Variants in CHRM3 observed in about 807,000 individuals in gnomAD.
CHRM3 encodes muscarinic acetylcholine receptor M3.
A neutral mutation model predicts 41.8 loss-of-function variants in CHRM3; 11 were observed. The observed-to-expected ratio is 0.26, with a 90% CI of 0.17 to 0.44. The LOEUF is 0.44. Among genes scored for constraint, CHRM3 ranks in the 20% least tolerant of loss-of-function variants. CHRM3 has a pLI of 1.00. For missense variants in CHRM3, 571 were observed against 745.4 expected (o/e 0.77, Z 2.72); for synonymous variants, 297 against 301.4 (o/e 0.99, Z 0.15).
intron 5 of CHRM3, among the ~76,000 whole-genome samples, chr1:239,762,554 T>C (rs981461706): frequency 4.6e-5 from 7 of 152,222 alleles, no homozygotes; most frequent in African/African-American, 1.7e-4. Flanking sequence ...GTGTTTAACA[T>C]TGCAGATAAA....
At position 239,488,738 on chromosome 1, in the gene CHRM3, A is replaced by T. The variant is rs910350671; in HGVS notation, c.-520-3971A>T. 1.3e-4 allele frequency among the ~76,000 whole-genome samples: 19 copies of T among 149,340 alleles called. No individual in the cohort carries two copies. In the East Asian group the frequency reaches 3.3e-3, roughly 26 times the overall value. On this transcript the variant is annotated intron_variant, in intron 1 of 6. Transcript: ENST00000676153. The stretch of plus-strand genomic sequence containing the variant: ...TCAAAAAAAAAAAAAAAAAAAAAAA[A>T]AAAAAAAAAAAAAGGGAATTAGATG...
intron 3 of CHRM3, among the ~76,000 whole-genome samples, chr1:239,550,561 C>A (rs1659718104): frequency 6.6e-6 from 1 of 152,068 alleles, no homozygotes; most frequent in South Asian, 2.1e-4. Flanking sequence ...TATGAAATGT[C>A]TTTCAATATG....
In CHRM3 at chr1:239,555,523, C is replaced by T. The variant is rs141891931; in HGVS notation, c.-313+9774C>T. ...CAGGAATGGGGCAGAAGCAGCTTTC[C>T]ATAAGGCACGCCAGCAGTGTGCTGT... On this transcript the variant is annotated intron_variant, in intron 3 of 6. Transcript: ENST00000676153. 2.6e-5 allele frequency among the ~76,000 whole-genome samples: 4 copies of T among 152,274 alleles called. No individual in the cohort carries two copies. The East Asian group carries it at 7.7e-4, about 29-fold the overall frequency.
At chr1:239,876,756 G>A (rs111689770) in intron 6 of CHRM3, among the ~76,000 whole-genome samples, 22 of 152,100 alleles carry the variant, frequency 1.4e-4, no homozygotes, top group African/African-American at 2.9e-4. Flanking sequence ...GAGGTTACTC[G>A]GCCTTTGGGG....
intron 3 of CHRM3, among the ~76,000 whole-genome samples, chr1:239,587,882 TG>T: frequency 6.6e-6 from 1 of 152,362 alleles, no homozygotes; most frequent in Admixed American, 6.5e-5. Flanking sequence ...TTAACCAATC[TG>T]GTTTTCTCAC....
intron 5 of CHRM3, among the ~76,000 whole-genome samples, chr1:239,810,003 G>C (rs1050332531): frequency 6.6e-6 from 1 of 152,194 alleles, no homozygotes; most frequent in South Asian, 2.1e-4. Flanking sequence ...ATCTTGAGAC[G>C]GGTAAGATTC....
intron 1 of CHRM3, among the ~76,000 whole-genome samples, chr1:239,433,332 C>T (rs1662975476): frequency 6.6e-6 from 1 of 152,204 alleles, no homozygotes; most frequent in African/African-American, 2.4e-5. Context: ...CCTAACTCCC[C>T]ATATTTTGCT....
intron 5 of CHRM3, among the ~76,000 whole-genome samples, chr1:239,695,013 T>A (rs1558461898): frequency 6.6e-6 from 1 of 152,162 alleles, no homozygotes; most frequent in Non-Finnish European, 1.5e-5. Context: ...CTTTTCTGTA[T>A]ACAATTTTAT....
rs56144752 is a variant in CHRM3 at position 239,665,164 on chromosome 1, G to GAAA, written c.-249-13005_-249-13003dup. Reference sequence around the variant, plus strand: ...CAACGTTAAAAGTTTGTTTTTCTCTGAAAAAAAAAAAAAAAAAAAGACTTT... The same window carrying GAAA: ...CAACGTTAAAAGTTTGTTTTTCTCTGAAAAAAAAAAAAAAAAAAAAAAGACTTT... On this transcript the variant is annotated intron_variant, in intron 4 of 6. Transcript: ENST00000676153. 2.1e-3 allele frequency among the ~76,000 whole-genome samples: 254 copies of GAAA among 119,470 alleles called. 1 individual carries two copies. The highest frequency in any genetic ancestry group is 7.5e-3 in the African/African-American group (246 of 32,880). The allele number at this position is 119,470 out of a possible 152,430, so 78.4% of individuals were successfully genotyped here.
intron 3 of CHRM3, among the ~76,000 whole-genome samples, chr1:239,588,211 G>A (rs1366259060): frequency 6.6e-6 from 1 of 152,208 alleles, no homozygotes; most frequent in Non-Finnish European, 1.5e-5. Flanking sequence ...CCAGTGAGTA[G>A]ACGAGTCTAG....
intron 4 of CHRM3, among the ~76,000 whole-genome samples, chr1:239,661,964 G>A (rs1286409052): frequency 6.6e-6 from 1 of 151,896 alleles, no homozygotes; most frequent in Non-Finnish European, 1.5e-5. Context: ...CTACTTTTCT[G>A]CAAACCTAAA....
chr1:239,581,210 A>G (rs955647190), intron 3 of CHRM3, among the ~76,000 whole-genome samples: 8 of 152,142 alleles, frequency 5.3e-5, no homozygotes, highest in Non-Finnish European at 1.0e-4. Flanking sequence ...AGGAAAAGCC[A>G]TATGTCGAGG....
intron 5 of CHRM3, among the ~76,000 whole-genome samples, chr1:239,778,089 C>G (rs1434540592): frequency 6.6e-6 from 1 of 152,116 alleles, no homozygotes; most frequent in Non-Finnish European, 1.5e-5. Context: ...CAAAAACCAC[C>G]TGTACCCCCA....
intron 5 of CHRM3, among the ~76,000 whole-genome samples, chr1:239,708,652 A>G (rs185267235): frequency 1.3e-3 from 191 of 151,738 alleles, no homozygotes; most frequent in South Asian, 3.8e-3. Flanking sequence ...CCACCTAAAA[A>G]TATAAGCCCC....
intron 5 of CHRM3, chr1:239,704,325 G>C (rs1186703350): frequency 6.6e-6 from 1 of 152,018 alleles, no homozygotes; most frequent in Non-Finnish European, 1.5e-5. Flanking sequence ...ATGTGTGTGA[G>C]GAATTTTTTC....
chr1:239,408,992 T>C (rs1243533376), intron 1 of CHRM3, among the ~76,000 whole-genome samples: 1 of 152,178 alleles, frequency 6.6e-6, no homozygotes, highest in African/African-American at 2.4e-5. Flanking sequence ...CAGAATATGA[T>C]TTCTAGTTTT....
At position 239,915,241 on chromosome 1, in the gene CHRM3, C is replaced by G. The variant is rs776205068; in HGVS notation, c.*6017C>G. Reference sequence around the variant, plus strand: ...TCTAAAACAGTGTCCACATCTTTGCCAAAGGCACTGAATTTTACCTTTTTT... The same window carrying G: ...TCTAAAACAGTGTCCACATCTTTGCGAAAGGCACTGAATTTTACCTTTTTT... On this transcript the variant is annotated 3_prime_UTR_variant, in exon 7 of 7. Transcript: ENST00000676153. 6.0e-6 allele frequency: 1 copy of G among 167,108 alleles called. No individual in the cohort carries two copies. The allele number at this position is 167,108 out of a possible 1,614,324, so 10.4% of individuals were successfully genotyped here.
Position 239,912,523 on chromosome 1 carries a change from C to G in CHRM3, c.*3299C>G, listed in dbSNP as rs543686597. Reference sequence around the variant, plus strand: ...TCAGTTTTCTCTGTCAGGCTTCCTACGTTGCCCTCGTGCAGGGCTCATTGC... The same window carrying G: ...TCAGTTTTCTCTGTCAGGCTTCCTAGGTTGCCCTCGTGCAGGGCTCATTGC... On this transcript the variant is annotated 3_prime_UTR_variant, in exon 7 of 7. Transcript: ENST00000676153. 1 of 167,260 alleles carries G rather than the reference C, an allele frequency of 6.0e-6. No homozygotes were observed. The highest frequency in any genetic ancestry group is 2.4e-5 in the African/African-American group (1 of 41,590). 10.4% of individuals were successfully genotyped at this position (167,260 alleles called of 1,614,324 possible).
rs1289639364 is a variant in CHRM3, at chr1:239,818,992, C to G, written c.-146-8260C>G. Among the ~76,000 whole-genome samples, 23 of 152,138 alleles carry G rather than the reference C, an allele frequency of 1.5e-4. 1 individual carries two copies. Among genetic ancestry groups the G allele is most frequent in the Admixed American group, 1.5e-3 (23 of 15,276 alleles). ...ATTATGTGATACTGAACACAAGTGG[C>G]TCCACTCTGCTTTGGCCTGGTCTGC... On this transcript the variant is annotated intron_variant, in intron 5 of 6. Transcript: ENST00000676153.
Sources: allele counts gnomAD v4.1 joint callset (sites outside exome capture counted in the v4.1 genomes callset), GRCh38; gene constraint gnomAD v4.1.1; transcripts MANE v1.5; gene names NCBI Gene and HGNC (gene_info 2026-07-23, HGNC 2026-07-21).